The following TEX11 variants were observed in gnomAD, a reference collection of about 807,000 sequenced individuals.
The protein encoded by TEX11 is testis expressed 11.
Under a neutral mutation model 84.4 loss-of-function variants are expected in TEX11, and 7 were observed. The ratio of observed to expected loss-of-function variants is 0.08; its 90% CI spans 0.05 to 0.16. TEX11 has a LOEUF of 0.16. Among genes scored for constraint, TEX11 ranks in the 10% least tolerant of loss-of-function variants. The pLI is 1.00. For synonymous variants in TEX11, 264 were observed against 222.8 expected, an observed-to-expected ratio of 1.18 and a Z score of -1.64; for missense variants, 551 against 660.5, an observed-to-expected ratio of 0.83 and a Z score of 1.82.
chrX:70,725,494 T>C, intron 11 of TEX11, 151 bp from the exon 12 acceptor site: 1 of 355,416 alleles, frequency 2.8e-6, no homozygotes, highest in Non-Finnish European at 5.0e-6. Flanking sequence ...ACATTTGTTC[T>C]ATCCCTGAGG....
intron 25 of TEX11, among the ~76,000 whole-genome samples, chrX:70,560,826 G>C (rs1367715864): frequency 9.9e-6 from 1 of 101,349 alleles, no homozygotes; most frequent in Non-Finnish European, 2.0e-5. Context: ...GGGCTCAAGT[G>C]ATCTTCTTGC....
intron 13 of TEX11, among the ~76,000 whole-genome samples, chrX:70,704,589 C>T (rs922612864): frequency 6.3e-5 from 7 of 110,687 alleles, no homozygotes; most frequent in African/African-American, 2.3e-4. Flanking sequence ...CTATTTATAC[C>T]AGCTCCTCCA....
rs375805347 is a variant in TEX11 at position 70,630,109 on chromosome X, G to A, written c.1484-374C>T. 2.7e-5 allele frequency among the ~76,000 whole-genome samples: 3 copies of A among 110,995 alleles called. No homozygotes were observed. In the East Asian group the frequency reaches 8.5e-4, roughly 31 times the overall value. On this transcript the variant is annotated intron_variant, in intron 17 of 29. Coordinates refer to ENST00000374333, the MANE Select transcript of TEX11 (RefSeq NM_031276.3). The stretch of plus-strand genomic sequence containing the variant: ...GGGTGGATCGCGAGGTCAGGAGATC[G>A]AGACCATCCTGGCTAACACGGTGAA...
chrX:70,769,682 C>T (rs767104063), intron 9 of TEX11, among the ~76,000 whole-genome samples: 11 of 111,673 alleles, frequency 9.9e-5, no homozygotes, highest in Admixed American at 1.9e-4. Context: ...AAAGGAGGTC[C>T]TGAGGCTCTT....
chrX:70,651,865 A>G (rs915500318), intron 16 of TEX11, among the ~76,000 whole-genome samples: 1 of 111,963 alleles, frequency 8.9e-6, no homozygotes, highest in Non-Finnish European at 1.9e-5. Context: ...AGAATTACCA[A>G]GGCAAAATCT....
intron 28 of TEX11, among the ~76,000 whole-genome samples, chrX:70,536,684 G>C (rs1042813157): frequency 8.9e-6 from 1 of 112,019 alleles, no homozygotes. Context: ...TCTCTTTGTA[G>C]ATTTTTGCAC....
chrX:70,833,105 A>G (rs1260130237), intron 8 of TEX11, among the ~76,000 whole-genome samples: 1 of 109,213 alleles, frequency 9.2e-6, no homozygotes. Flanking sequence ...CCCTGTCTGT[A>G]CTAAAAATAC....
At chrX:70,768,608 G>T (rs28829056) in intron 9 of TEX11, among the ~76,000 whole-genome samples, 1 of 111,039 alleles carries the variant, frequency 9.0e-6, no homozygotes, top group East Asian at 2.8e-4. Context: ...AGGGGGAAGA[G>T]CCCCTGATAA....
At position 70,638,319 on chromosome X, in the gene TEX11, G is replaced by A. The variant is rs750734773; in HGVS notation, c.1484-8584C>T. Among the ~76,000 whole-genome samples, 11 of 111,254 alleles carry A rather than the reference G, an allele frequency of 9.9e-5. No homozygotes were observed. The East Asian group carries it at 1.1e-3, about 11-fold the overall frequency. ...TCTTCACAGCAGAAATATAGGCCACGAAAGAGTGGGAAGATATATTCAAAG... is the reference window on the plus strand; with the variant it reads ...TCTTCACAGCAGAAATATAGGCCACAAAAGAGTGGGAAGATATATTCAAAG... On this transcript the variant is annotated intron_variant, in intron 17 of 29. Coordinates refer to ENST00000374333, the MANE Select transcript of TEX11 (RefSeq NM_031276.3).
At chrX:70,681,519 T>TCAA (rs756481221) in intron 14 of TEX11, among the ~76,000 whole-genome samples, 42 of 112,403 alleles carry the variant, frequency 3.7e-4, no homozygotes, top group Admixed American at 1.7e-3. Flanking sequence ...TAAGCATAAT[T>TCAA]CAACTTTTTC....
At chrX:70,720,506 C>T (rs2090549649) in intron 13 of TEX11, among the ~76,000 whole-genome samples, 1 of 108,683 alleles carries the variant, frequency 9.2e-6, no homozygotes, top group Non-Finnish European at 1.9e-5. Context: ...TACCCTAGAA[C>T]TTAAAGTATA....
At chrX:70,841,017 A>G (rs1423659208) in intron 7 of TEX11, among the ~76,000 whole-genome samples, 1 of 111,020 alleles carries the variant, frequency 9.0e-6, no homozygotes, top group Non-Finnish European at 1.9e-5. Flanking sequence ...TTAGACTCCC[A>G]CACAATAATA....
At chrX:70,639,917 GAGA>G (rs1442823388) in intron 17 of TEX11, among the ~76,000 whole-genome samples, 6 of 112,122 alleles carry the variant, frequency 5.4e-5, no homozygotes, top group Non-Finnish European at 1.1e-4. Flanking sequence ...AAGCTGGACG[GAGA>G]AGGACTTTGA....
chrX:70,530,444 T>C (rs1299827848), intron 28 of TEX11, among the ~76,000 whole-genome samples: 1 of 112,167 alleles, frequency 8.9e-6, no homozygotes, highest in Non-Finnish European at 1.9e-5. Flanking sequence ...ATTATATTCA[T>C]CTTCAGAGTT....
At chrX:70,614,234 G>A (rs1206700380) in intron 20 of TEX11, among the ~76,000 whole-genome samples, 3 of 110,103 alleles carry the variant, frequency 2.7e-5, no homozygotes, top group South Asian at 3.9e-4. Flanking sequence ...AGCATCAAGC[G>A]GGATCTCAGG....
intron 24 of TEX11, among the ~76,000 whole-genome samples, chrX:70,602,155 C>A (rs957649351): frequency 2.7e-5 from 3 of 111,887 alleles, no homozygotes; most frequent in South Asian, 7.6e-4. Context: ...GGCGGCTGGC[C>A]GGGCGGGGGG....
At chrX:70,830,859 G>A (rs1449989358) in intron 8 of TEX11, among the ~76,000 whole-genome samples, 1 of 110,482 alleles carries the variant, frequency 9.1e-6, no homozygotes, top group Non-Finnish European at 1.9e-5. Flanking sequence ...CACTGCTGGT[G>A]GGAATGTAAA....
chrX:70,729,892 T>C (rs1192930736), intron 11 of TEX11, among the ~76,000 whole-genome samples: 1 of 111,916 alleles, frequency 8.9e-6, no homozygotes, highest in Non-Finnish European at 1.9e-5. Context: ...GGAAAAAATG[T>C]TACGGGCAGC....
intron 13 of TEX11, among the ~76,000 whole-genome samples, chrX:70,712,339 A>C (rs2090444735): frequency 8.9e-6 from 1 of 111,814 alleles, no homozygotes; most frequent in Non-Finnish European, 1.9e-5. Context: ...AGTCACTGGT[A>C]GCTTGATGGG....
Sources: gnomAD v4.1 joint callset for allele counts (sites outside exome capture counted in the v4.1 genomes callset) on GRCh38, gnomAD v4.1.1 for gene constraint, MANE v1.5 for transcripts, NCBI Gene and HGNC (gene_info 2026-07-23, HGNC 2026-07-21) for gene names.